TRMT9B: variants seen among roughly 807,000 people sequenced by gnomAD.
TRMT9B encodes tRNA methyltransferase 9B (putative).
Under a neutral mutation model 11.5 loss-of-function variants are expected in TRMT9B, and 16 were observed. That is an observed-to-expected ratio of 1.39 (90% CI 0.94 to 2.11). TRMT9B has a LOEUF of 2.11. Among genes scored for constraint, TRMT9B ranks in the 30% most tolerant of loss-of-function variants. TRMT9B has a pLI of 0.00. For missense variants in TRMT9B, 941 were observed against 553.8 expected, an observed-to-expected ratio of 1.70 and a Z score of -7.02; for synonymous variants, 274 against 192.4, an observed-to-expected ratio of 1.42 and a Z score of -3.51.
intron 1 of TRMT9B, among the ~76,000 whole-genome samples, chr8:12,981,973 T>C (rs1805467605): frequency 6.6e-6 from 1 of 152,216 alleles, no homozygotes. Context: ...GACTCTCCTT[T>C]GGTTTGAGAT....
chr8:13,005,160 T>C (rs73204374), intron 2 of TRMT9B, among the ~76,000 whole-genome samples: 3,788 of 151,946 alleles, frequency 0.025, 56 homozygotes, highest in Non-Finnish European at 0.031. Flanking sequence ...CTGGAGGTCA[T>C]TATGTTAGCT....
At chr8:12,981,761 G>A (rs73546474) in intron 1 of TRMT9B, among the ~76,000 whole-genome samples, 2,174 of 151,692 alleles carry the variant, frequency 0.014, 55 homozygotes, top group African/African-American at 0.05. Context: ...CACCACACCC[G>A]GCTATTTTTC....
chr8:12,982,968 A>G (rs1338141823), intron 1 of TRMT9B, among the ~76,000 whole-genome samples: 1 of 152,232 alleles, frequency 6.6e-6, no homozygotes, highest in East Asian at 1.9e-4. Flanking sequence ...ACAAAGTGTA[A>G]TAAAATGGCA....
intron 2 of TRMT9B, among the ~76,000 whole-genome samples, chr8:13,001,668 T>A (rs938521154): frequency 1.3e-5 from 2 of 152,142 alleles, no homozygotes; most frequent in Admixed American, 6.5e-5. Flanking sequence ...ATAGACCCAA[T>A]AATTCTGAGA....
chr8:12,996,450 C>T (rs146285801), intron 2 of TRMT9B, among the ~76,000 whole-genome samples: 60 of 152,292 alleles, frequency 3.9e-4, no homozygotes, highest in African/African-American at 1.3e-3. Flanking sequence ...TCTTCTGAGG[C>T]AAAACTCTCT....
intron 1 of TRMT9B, among the ~76,000 whole-genome samples, chr8:12,948,232 A>G (rs1441802426): frequency 2.0e-5 from 3 of 152,060 alleles, no homozygotes; most frequent in African/African-American, 7.2e-5. Context: ...GACAAAGCCT[A>G]TTTTATAATA....
At position 12,960,951 on chromosome 8, in the gene TRMT9B, G is replaced by C. The variant is rs1314249603; in HGVS notation, c.-200+14985G>C. Among the ~76,000 whole-genome samples the C allele has an allele frequency of 2.0e-5, 3 of 152,228 alleles. No homozygotes were observed. The East Asian group carries it at 5.8e-4, about 30-fold the overall frequency. On this transcript the variant is annotated intron_variant, in intron 1 of 4. Coordinates refer to ENST00000524591, the MANE Select transcript of TRMT9B (RefSeq NM_020844.3). ...AGGTCAAGAGACCTAGACCATCCTG[G>C]CCAAAGTAGTGAAACCTTGTCTCTA...
chr8:13,018,696 A>G (rs1173161454), intron 4 of TRMT9B, among the ~76,000 whole-genome samples: 1 of 152,108 alleles, frequency 6.6e-6, no homozygotes, highest in African/African-American at 2.4e-5. Context: ...TGAACAACAT[A>G]TTGTCTTGTT....
intron 1 of TRMT9B, among the ~76,000 whole-genome samples, chr8:12,965,955 G>C (rs1227864908): frequency 6.6e-6 from 1 of 151,814 alleles, no homozygotes; most frequent in Non-Finnish European, 1.5e-5. Context: ...GGAAGTAGTA[G>C]TGAGCCAAGA....
chr8:13,016,079 C>G (rs75334213), intron 4 of TRMT9B, among the ~76,000 whole-genome samples: 30 of 144,686 alleles, frequency 2.1e-4, no homozygotes, highest in African/African-American at 7.6e-4. Flanking sequence ...GAACTTGTCC[C>G]TAAAAATCAT....
intron 1 of TRMT9B, among the ~76,000 whole-genome samples, chr8:12,947,689 A>G (rs1464960460): frequency 6.6e-6 from 1 of 152,258 alleles, no homozygotes; most frequent in African/African-American, 2.4e-5. Context: ...AAGCTTTAGG[A>G]AAAGAACTTA....
At chr8:12,981,171 G>A (rs2049146) in intron 1 of TRMT9B, among the ~76,000 whole-genome samples, 41,395 of 152,024 alleles carry the variant, frequency 0.27, 6,208 homozygotes, top group East Asian at 0.58. Context: ...ATAAATCCAC[G>A]AAGTCACTCT....
chr8:12,968,896 G>A (rs1261113153), intron 1 of TRMT9B, among the ~76,000 whole-genome samples: 1 of 152,170 alleles, frequency 6.6e-6, no homozygotes, highest in Non-Finnish European at 1.5e-5. Context: ...ACATAAGCCT[G>A]CTCTTACACA....
At chr8:12,990,276 T>C (rs969123499) in intron 1 of TRMT9B, among the ~76,000 whole-genome samples, 9 of 152,240 alleles carry the variant, frequency 5.9e-5, no homozygotes, top group African/African-American at 2.2e-4. Flanking sequence ...TCTCGAGATC[T>C]CATTGTATAT....
intron 1 of TRMT9B, among the ~76,000 whole-genome samples, chr8:12,974,314 G>C (rs1804093231): frequency 6.6e-6 from 1 of 152,078 alleles, no homozygotes; most frequent in African/African-American, 2.4e-5. Context: ...CCCACTGCAA[G>C]CTTCTTGATA....
chr8:12,947,744 G>T (rs981299397), intron 1 of TRMT9B, among the ~76,000 whole-genome samples: 1 of 152,236 alleles, frequency 6.6e-6, no homozygotes, highest in Non-Finnish European at 1.5e-5. Flanking sequence ...GACTTCAGGT[G>T]TGCAGTATTT....
Position 13,029,463 on chromosome 8 carries a change from A to C in TRMT9B, c.*7419A>C, listed in dbSNP as rs1365760579. 1 of 166,960 alleles carries C rather than the reference A, an allele frequency of 6.0e-6. No individual in the cohort carries two copies. Among genetic ancestry groups the C allele is most frequent in the Non-Finnish European group, 1.5e-5 (1 of 68,112 alleles). The allele number at this position is 166,960 out of a possible 1,614,324, so 10.3% of individuals were successfully genotyped here. A position where few individuals can be genotyped will look rare whatever the true frequency, so the allele number is the denominator to read the frequency against. ...GTAGTAAGTATATTTTAAATGGTGT[A>C]ATTTGTGTGTTTATGATATGTATTC... On this transcript the variant is annotated 3_prime_UTR_variant, in exon 5 of 5. Transcript: ENST00000524591.
chr8:13,021,753 T>C lies in TRMT9B; in HGVS notation c.1074T>C (p.Asn358=). The change falls in exon 5 of 5, where the codon AAT becomes AAC. Residue 358 remains asparagine, a synonymous_variant. Transcript: ENST00000524591. ...TGGATAGCACTAATACTGGTGTGAA[T>C]TGTGTGGATGCAGGCAACATAGAAG... ...NFLDSTNTGV[N]CVDAGNIEDD... 1.9e-6 allele frequency: 3 copies of C among 1,613,938 alleles called. No homozygotes were observed. Among genetic ancestry groups the C allele is most frequent in the Non-Finnish European group, 2.5e-6 (3 of 1,179,890 alleles).
In TRMT9B at chr8:13,027,417, G is replaced by A. The variant is rs538008830; in HGVS notation, c.*5373G>A. The stretch of plus-strand genomic sequence containing the variant: ...CTTGGACTTAATCTAGCTTACCCTA[G>A]ACGTATTAACATCCTATAGCGCACG... On this transcript the variant is annotated 3_prime_UTR_variant, in exon 5 of 5. Transcript: ENST00000524591. 1 of 167,000 alleles carries A rather than the reference G, an allele frequency of 6.0e-6. No individual in the cohort carries two copies. Among genetic ancestry groups the A allele is most frequent in the Non-Finnish European group, 1.5e-5 (1 of 68,106 alleles). 10.3% of individuals were successfully genotyped at this position (167,000 alleles called of 1,614,324 possible).
Sources: allele counts gnomAD v4.1 joint callset (sites outside exome capture counted in the v4.1 genomes callset), GRCh38; gene constraint gnomAD v4.1.1; transcripts MANE v1.5; gene names NCBI Gene and HGNC (gene_info 2026-07-23, HGNC 2026-07-21).